The following GRAMD2B variants were observed in gnomAD, a reference collection of about 807,000 sequenced individuals.
GRAMD2B encodes the protein GRAM domain-containing protein 2B.
GRAMD2B carries 41 observed loss-of-function variants against 59.2 expected under a neutral mutation model. The ratio of observed to expected loss-of-function variants is 0.69; its 90% CI spans 0.54 to 0.90. The LOEUF is 0.90. Among genes scored for constraint, GRAMD2B ranks in the 40% least tolerant of loss-of-function variants. The pLI is 0.00. For missense variants in GRAMD2B, 424 were observed against 500.5 expected (o/e 0.85, Z 1.46); for synonymous variants, 161 against 182.7 (o/e 0.88, Z 0.96).
intron 1 of GRAMD2B, among the ~76,000 whole-genome samples, chr5:126,413,606 T>C (rs1269112976): frequency 1.3e-5 from 2 of 152,130 alleles, no homozygotes; most frequent in Admixed American, 6.6e-5. Flanking sequence ...TGTAGATGTC[T>C]CTTAGGTCCA....
intron 8 of GRAMD2B, among the ~76,000 whole-genome samples, chr5:126,482,302 C>T (rs1165624695): frequency 2.0e-5 from 3 of 152,160 alleles, no homozygotes; most frequent in Non-Finnish European, 4.4e-5. Flanking sequence ...GAATTGTATA[C>T]TTTTAAATGG....
chr5:126,394,683 G>A (rs1757204218), intron 1 of GRAMD2B, among the ~76,000 whole-genome samples: 1 of 152,172 alleles, frequency 6.6e-6, no homozygotes, highest in African/African-American at 2.4e-5. Context: ...GAGTGAAATA[G>A]TCAGGGTTCC....
intron 1 of GRAMD2B, among the ~76,000 whole-genome samples, chr5:126,404,971 GAGGAAACCAAAGCTCAGAGAGGTCA>G (rs1275570596): frequency 5.9e-5 from 9 of 151,896 alleles, no homozygotes; most frequent in Non-Finnish European, 1.2e-4. Context: ...TTTCTACACT[GAGGAAACCAAAGCTCAGAGAGGTCA>G]AGTTACTTAC....
intron 12 of GRAMD2B, among the ~76,000 whole-genome samples, chr5:126,488,596 C>T (rs1387640625): frequency 6.6e-6 from 1 of 152,176 alleles, no homozygotes; most frequent in African/African-American, 2.4e-5. Context: ...AGAGATTTCC[C>T]GCTGAGCTTT....
At chr5:126,400,916 A>G (rs1580800737) in intron 1 of GRAMD2B, among the ~76,000 whole-genome samples, 1 of 152,088 alleles carries the variant, frequency 6.6e-6, no homozygotes, top group South Asian at 2.1e-4. Context: ...TCTCCATATA[A>G]TCTTCTTCAG....
At chr5:126,443,795 A>T (rs7723002) in intron 1 of GRAMD2B, among the ~76,000 whole-genome samples, 17,784 of 152,272 alleles carry the variant, frequency 0.12, 2,040 homozygotes, top group African/African-American at 0.3. Flanking sequence ...CATGCCTGTA[A>T]TCCCAACACT....
intron 1 of GRAMD2B, among the ~76,000 whole-genome samples, chr5:126,397,230 TTTA>T: frequency 6.6e-6 from 1 of 152,160 alleles, no homozygotes; most frequent in South Asian, 2.1e-4. Flanking sequence ...TTTTATTTTA[TTTA>T]TTTATTTTTG....
Position 126,453,850 on chromosome 5 carries a change from T to A in GRAMD2B, c.84-11576T>A, listed in dbSNP as rs565158974. ...TTGTCAGCCACACTTGGGAAGGAGT[T>A]CATGAGGTAGGTTTTGAGATAAAAT... On this transcript the variant is annotated intron_variant, in intron 1 of 13. Transcript: ENST00000285689. Among the ~76,000 whole-genome samples, 4 of 152,328 alleles carry A rather than the reference T, an allele frequency of 2.6e-5. No individual in the cohort carries two copies. The South Asian group carries it at 8.3e-4, about 32-fold the overall frequency.
chr5:126,480,406 A>G, intron 6 of GRAMD2B, 50 bp from the exon 7 acceptor site: 1 of 1,364,484 alleles, frequency 7.3e-7, no homozygotes, highest in Non-Finnish European at 1.0e-6. Flanking sequence ...CTCAACTCTC[A>G]CTTCTCATCC....
At chr5:126,370,281 T>C (rs891879000), upstream of GRAMD2B, among the ~76,000 whole-genome samples, 1 of 152,224 alleles carries the variant, frequency 6.6e-6, no homozygotes, top group Non-Finnish European at 1.5e-5. Context: ...CACAGACCTG[T>C]CCCTGCCAGG....
rs575614283 is a variant in GRAMD2B at position 126,494,098 on chromosome 5, G to T, written c.*1142G>T. 2 of 152,602 alleles carry T rather than the reference G, an allele frequency of 1.3e-5. No homozygotes were observed. The highest frequency in any genetic ancestry group is 2.9e-5 in the Non-Finnish European group (2 of 68,032). The allele number at this position is 152,602 out of a possible 1,614,324, so 9.5% of individuals were successfully genotyped here. A position where few individuals can be genotyped will look rare whatever the true frequency, so the allele number is the denominator to read the frequency against. The stretch of plus-strand genomic sequence containing the variant: ...ATCGTTTGTATCTGTTGGCCTAGTG[G>T]ACAGCTGTGCCTGGTGCACCTCTGG... On this transcript the variant is annotated 3_prime_UTR_variant, in exon 14 of 14. Transcript: ENST00000285689.
chr5:126,461,031 C>T (rs538470453), intron 1 of GRAMD2B, among the ~76,000 whole-genome samples: 8 of 152,228 alleles, frequency 5.3e-5, no homozygotes, highest in African/African-American at 1.9e-4. Flanking sequence ...CTTAGATTAA[C>T]ATGTGGGTAG....
intron 5 of GRAMD2B, among the ~76,000 whole-genome samples, chr5:126,473,963 T>A (rs1367736083): frequency 6.6e-6 from 1 of 152,126 alleles, no homozygotes; most frequent in Admixed American, 6.5e-5. Flanking sequence ...AAATATAGAT[T>A]TGGGGGAGCA....
At chr5:126,401,265 T>G (rs1757810124) in intron 1 of GRAMD2B, among the ~76,000 whole-genome samples, 1 of 152,086 alleles carries the variant, frequency 6.6e-6, no homozygotes, top group African/African-American at 2.4e-5. Flanking sequence ...AGTAATTGTG[T>G]TCAGCTCCAG....
intron 1 of GRAMD2B, among the ~76,000 whole-genome samples, chr5:126,429,427 A>G (rs561799985): frequency 6.6e-6 from 1 of 152,264 alleles, no homozygotes; most frequent in South Asian, 2.1e-4. Flanking sequence ...AAAATAACTA[A>G]TGGGTACTAG....
chr5:126,416,372 C>G (rs1306064035), intron 1 of GRAMD2B, among the ~76,000 whole-genome samples: 1 of 152,054 alleles, frequency 6.6e-6, no homozygotes, highest in Non-Finnish European at 1.5e-5. Flanking sequence ...AGTAATTATT[C>G]AACATTAGAA....
At chr5:126,436,867 C>T (rs1261114586) in intron 1 of GRAMD2B, among the ~76,000 whole-genome samples, 1 of 152,070 alleles carries the variant, frequency 6.6e-6, no homozygotes, top group Non-Finnish European at 1.5e-5. Flanking sequence ...CAGTTGCCTA[C>T]TCTGCCAAAA....
chr5:126,437,846 AG>A (rs1762663255), intron 1 of GRAMD2B, among the ~76,000 whole-genome samples: 1 of 152,218 alleles, frequency 6.6e-6, no homozygotes, highest in East Asian at 1.9e-4. Flanking sequence ...TAGCATGATG[AG>A]CATGAGGGCC....
At chr5:126,441,355 G>A (rs886934780) in intron 1 of GRAMD2B, among the ~76,000 whole-genome samples, 1 of 152,176 alleles carries the variant, frequency 6.6e-6, no homozygotes, top group Non-Finnish European at 1.5e-5. Context: ...GTAGGCTCTG[G>A]GCTATGGATT....
Sources: allele counts gnomAD v4.1 joint callset (sites outside exome capture counted in the v4.1 genomes callset), GRCh38; gene constraint gnomAD v4.1.1; transcripts MANE v1.5; gene names NCBI Gene and HGNC (gene_info 2026-07-23, HGNC 2026-07-21).